NDE1: variants seen among roughly 807,000 people sequenced by gnomAD.
NDE1 encodes nudE neurodevelopment protein 1.
Under a neutral mutation model 43.4 loss-of-function variants are expected in NDE1, and 28 were observed. The ratio of observed to expected loss-of-function variants is 0.65; its 90% CI spans 0.48 to 0.89. The LOEUF (loss-of-function observed/expected upper bound fraction) is 0.89, where lower values mean the gene tolerates loss of function less well. Among genes scored for constraint, NDE1 ranks in the 40% least tolerant of loss-of-function variants. The pLI, the probability that NDE1 is intolerant of heterozygous loss-of-function variation, is 0.00. For synonymous variants in NDE1, 184 were observed against 172.0 expected (o/e 1.07, Z -0.55); for missense variants, 441 against 434.1 (o/e 1.02, Z -0.14).
At chr16:15,670,657 C>CA (rs10717229) in intron 3 of NDE1, among the ~76,000 whole-genome samples, 3,993 of 128,694 alleles carry the variant, frequency 0.031, 169 homozygotes, top group African/African-American at 0.11. Flanking sequence ...AACTCTGTCT[C>CA]AAAAAAAAAA....
At chr16:15,717,379 A>T in intron 8 of NDE1, 4 of 1,600,794 alleles carry the variant, frequency 2.5e-6, no homozygotes, top group Non-Finnish European at 2.5e-6. Flanking sequence ...CATGAGGCGG[A>T]CTCAGGGAAG....
In NDE1 at chr16:15,724,463, T is replaced by G; in HGVS notation, c.*212T>G. On this transcript the variant is annotated 3_prime_UTR_variant, in exon 9 of 9. Transcript: ENST00000396354. ...AGAGGGGGACCATGAGTGGCCCCTG[T>G]CCCTGGCCCCACAGACTCTGAGAAG... The G allele has an allele frequency of 1.2e-6, 2 of 1,610,902 alleles. No homozygotes were observed. Among genetic ancestry groups the G allele is most frequent in the South Asian group, 1.1e-5 (1 of 90,938 alleles).
intron 3 of NDE1, among the ~76,000 whole-genome samples, chr16:15,669,386 G>A (rs1173755864): frequency 1.5e-5 from 2 of 137,482 alleles, no homozygotes; most frequent in Admixed American, 7.5e-5. Flanking sequence ...TTTTTGAGAC[G>A]CAGTCTCACT....
At chr16:15,679,262 C>T (rs916711671) in intron 4 of NDE1, among the ~76,000 whole-genome samples, 1 of 152,124 alleles carries the variant, frequency 6.6e-6, no homozygotes, top group Non-Finnish European at 1.5e-5. Flanking sequence ...TCCCAAAGTT[C>T]TGGAATTACT....
chr16:15,678,903 C>T (rs1366562785), intron 4 of NDE1, among the ~76,000 whole-genome samples: 1 of 151,884 alleles, frequency 6.6e-6, no homozygotes, highest in Non-Finnish European at 1.5e-5. Flanking sequence ...GGTGAAAACC[C>T]GTCTCTACTA....
intron 7 of NDE1, chr16:15,695,567 C>T (rs1596635101): frequency 1.0e-6 from 1 of 983,652 alleles, no homozygotes. Flanking sequence ...ATGTTAATTA[C>T]AGGGAGGGAT....
Position 15,724,883 on chromosome 16 carries a change from C to G in NDE1, c.*632C>G. Reference sequence around the variant, plus strand: ...GTCCCCTGGATGATGTGGCAGGACACTCACCTGGGTGTCCTGGAGCTGGGA... The same window carrying G: ...GTCCCCTGGATGATGTGGCAGGACAGTCACCTGGGTGTCCTGGAGCTGGGA... On this transcript the variant is annotated 3_prime_UTR_variant, in exon 9 of 9. Coordinates refer to ENST00000396354, the MANE Select transcript of NDE1 (RefSeq NM_017668.3). 1 of 1,614,038 alleles carries G rather than the reference C, an allele frequency of 6.2e-7. No individual in the cohort carries two copies. The highest frequency in any genetic ancestry group is 2.2e-5 in the East Asian group (1 of 44,876).
intron 1 of NDE1, among the ~76,000 whole-genome samples, chr16:15,659,884 G>GA (rs1385934809): frequency 6.6e-6 from 1 of 151,530 alleles, no homozygotes; most frequent in African/African-American, 2.4e-5. Flanking sequence ...GAGTAGCTGG[G>GA]ACTACAGGTA....
At chr16:15,670,798 C>T (rs1056573141) in intron 3 of NDE1, among the ~76,000 whole-genome samples, 1 of 152,208 alleles carries the variant, frequency 6.6e-6, no homozygotes, top group Admixed American at 6.6e-5. Flanking sequence ...GTACCCATCA[C>T]AGACGTGGAC....
chr16:15,680,551 T>G (rs1710140615), intron 4 of NDE1, among the ~76,000 whole-genome samples: 1 of 152,282 alleles, frequency 6.6e-6, no homozygotes, highest in East Asian at 1.9e-4. Flanking sequence ...ATATATTTTT[T>G]GAGATGGAGT....
rs573370346 is a variant in NDE1, at chr16:15,705,663, A to G, written c.947+8803A>G. ...ATAAGAAGCCATAAGGATGAACACAACTCAGTGACCAATTCTTTAGTCAAA... is the reference window on the plus strand; with the variant it reads ...ATAAGAAGCCATAAGGATGAACACAGCTCAGTGACCAATTCTTTAGTCAAA... On this transcript the variant is annotated intron_variant, in intron 8 of 8. Transcript: ENST00000396354. Among the ~76,000 whole-genome samples, 6 of 152,130 alleles carry G rather than the reference A, an allele frequency of 3.9e-5. No individual in the cohort carries two copies. The East Asian group carries it at 1.2e-3, about 29-fold the overall frequency.
At chr16:15,686,113 G>A (rs564095949) in intron 4 of NDE1, among the ~76,000 whole-genome samples, 10 of 152,080 alleles carry the variant, frequency 6.6e-5, no homozygotes, top group African/African-American at 1.7e-4. Flanking sequence ...CATCATGCCC[G>A]GCTAATTTTT....
intron 4 of NDE1, among the ~76,000 whole-genome samples, chr16:15,684,856 C>T (rs1011412251): frequency 1.3e-5 from 2 of 152,166 alleles, no homozygotes; most frequent in Admixed American, 6.5e-5. Context: ...TTTGTTCTTA[C>T]AACCAGTAGC....
At chr16:15,681,617 G>A (rs762673404) in intron 4 of NDE1, among the ~76,000 whole-genome samples, 75 of 152,208 alleles carry the variant, frequency 4.9e-4, no homozygotes, top group Non-Finnish European at 8.7e-4. Flanking sequence ...ATTTCTAGGA[G>A]ATTTTTATAT....
chr16:15,655,200 T>C (rs766349667), intron 1 of NDE1, among the ~76,000 whole-genome samples: 1 of 152,106 alleles, frequency 6.6e-6, no homozygotes, highest in African/African-American at 2.4e-5. Flanking sequence ...GTGTTTCTAG[T>C]AGAGACAGGG....
At chr16:15,664,616 A>G (rs1048478257) in intron 1 of NDE1, 120 bp from the exon 2 acceptor site, 3 of 654,618 alleles carry the variant, frequency 4.6e-6, no homozygotes, top group Non-Finnish European at 8.1e-6. Flanking sequence ...CAGCCTCCCA[A>G]AGTGCTGGGA....
At chr16:15,703,464 A>G in intron 8 of NDE1, 1 of 240,942 alleles carries the variant, frequency 4.2e-6, no homozygotes, top group Non-Finnish European at 8.2e-6. Context: ...ATGTTTTTCT[A>G]AAAACTCAGT....
At chr16:15,670,380 G>A (rs991139726) in intron 3 of NDE1, among the ~76,000 whole-genome samples, 7 of 152,096 alleles carry the variant, frequency 4.6e-5, no homozygotes, top group African/African-American at 9.7e-5. Flanking sequence ...AGGACTGGCT[G>A]GGTGCGGTGG....
In NDE1 at chr16:15,699,797, A is replaced by AG. The variant is rs746180117; in HGVS notation, c.947+2942dup. On this transcript the variant is annotated intron_variant, in intron 8 of 8. Coordinates refer to ENST00000396354, the MANE Select transcript of NDE1 (RefSeq NM_017668.3). ...TCTTCATCGCCGCTGCCGTCAGCCC[A>AG]GGGGGTAGTCAAGATGTTGCTTTAG... The AG allele has an allele frequency of 2.7e-5, 37 of 1,351,450 alleles. No individual in the cohort carries two copies. In the Middle Eastern group the frequency reaches 1.0e-3, roughly 38 times the overall value. The allele number at this position is 1,351,450 out of a possible 1,614,324, so 83.7% of individuals were successfully genotyped here.
Sources: gnomAD v4.1 joint callset for allele counts (sites outside exome capture counted in the v4.1 genomes callset) on GRCh38, gnomAD v4.1.1 for gene constraint, MANE v1.5 for transcripts, NCBI Gene and HGNC (gene_info 2026-07-23, HGNC 2026-07-21) for gene names.